TPR: variants seen among roughly 807,000 people sequenced by gnomAD.
TPR encodes translocated promoter region, nuclear basket protein, also known as nucleoprotein TPR.
Under a neutral mutation model 316.1 loss-of-function variants are expected in TPR, and 51 were observed. That is an observed-to-expected ratio of 0.16 (90% CI 0.13 to 0.20). The LOEUF is 0.20. TPR is among the 10% of genes least tolerant of loss of function. TPR has a pLI of 1.00. For missense variants in TPR, 2,272 were observed against 2,754.8 expected, an observed-to-expected ratio of 0.82 and a Z score of 3.92; for synonymous variants, 981 against 914.7, an observed-to-expected ratio of 1.07 and a Z score of -1.31.
chr1:186,359,982 A>G lies in TPR; in HGVS notation c.1206T>C (p.Tyr402=), dbSNP rs375242814. 13 of 1,608,106 alleles carry G rather than the reference A, an allele frequency of 8.1e-6. No homozygotes were observed. Among genetic ancestry groups the G allele is most frequent in the Non-Finnish European group, 1.1e-5 (13 of 1,178,600 alleles). ...GMKLTELYNA[Y]VETQDQLLLE... is the part of the protein sequence containing the mutation. Reference sequence around the variant, plus strand: ...AAAGCAACTGATCCTGAGTTTCCACATAAGCATTATAGAGCTGAAAGTAGA... The same window carrying G: ...AAAGCAACTGATCCTGAGTTTCCACGTAAGCATTATAGAGCTGAAAGTAGA... The change falls in exon 12 of 51, where the codon TAT becomes TAC. Residue 402 remains tyrosine (Y), a synonymous_variant. Coordinates refer to ENST00000367478, the MANE Select transcript of TPR (RefSeq NM_003292.3).
Position 186,322,559 on chromosome 1 carries a change from C to A in TPR, c.6325G>T (p.Val2109Leu), listed in dbSNP as rs1280009616. 3 of 1,614,092 alleles carry A rather than the reference C, an allele frequency of 1.9e-6. No individual in the cohort carries two copies. The highest frequency in any genetic ancestry group is 2.5e-6 in the Non-Finnish European group (3 of 1,179,974). The change falls in exon 44 of 51, where the codon GTA becomes TTA. Residue 2109 changes from valine (V) to leucine (L), a missense_variant. By Grantham distance (32) the Val-to-Leu change is conservative. This residue lies in a region of TPR where 88 missense variants were observed against 176.2 expected (regional missense o/e 0.50). Transcript: ENST00000367478. ...GGAGTCAACTGAAGGCCACGTCCTA[C>A]AGACTGCCTTCGGGTCATCTGAATT... ...QRIQMTRRQS[V>L]GRGLQLTPGI...
chr1:186,356,568 A>C, intron 14 of TPR, 119 bp from the exon 15 acceptor site: 16 of 1,007,338 alleles, frequency 1.6e-5, no homozygotes, highest in South Asian at 2.1e-5. Context: ...TGTCTCTCTC[A>C]TTATTTTTTT....
chr1:186,328,242 T>G (rs1658057716), intron 39 of TPR, among the ~76,000 whole-genome samples: 1 of 152,198 alleles, frequency 6.6e-6, no homozygotes, highest in Non-Finnish European at 1.5e-5. Flanking sequence ...ATTTGTGCAT[T>G]CAAAACTACT....
chr1:186,318,601 T>G lies in TPR; in HGVS notation c.6667A>C (p.Thr2223Pro). Residue 2223 changes from threonine to proline, a missense_variant and splice_region_variant, in exon 48 of 51, where the codon ACT becomes CCT. Transcript: ENST00000367478. ...TTPLQVAAPV[T>P]VFTESTTSDA... ...GAGGTGGTGCTCTCAGTAAATACAG[T>G]CACTTTAAAAAGACAACACAAGAAA... 1.2e-6 allele frequency: 2 copies of G among 1,607,134 alleles called. No individual in the cohort carries two copies. The highest frequency in any genetic ancestry group is 1.7e-6 in the Non-Finnish European group (2 of 1,178,198).
rs374371767 is a variant in TPR, at chr1:186,361,880, T to C, written c.790-11A>G. The C allele has an allele frequency of 5.6e-5, 90 of 1,611,174 alleles. No homozygotes were observed. Among genetic ancestry groups the C allele is most frequent in the South Asian group, 1.3e-4 (12 of 90,898 alleles). On this transcript the variant is annotated splice_polypyrimidine_tract_variant and intron_variant, in intron 7 of 50. Coordinates refer to ENST00000367478, the MANE Select transcript of TPR (RefSeq NM_003292.3). ...CTGTTGTTCCTTGGCCTGAAAAAAA[T>C]AGCCCAATTATAGCAGTCTACTTTG...
chr1:186,330,163 T>G (rs1159235783), intron 39 of TPR, among the ~76,000 whole-genome samples: 1 of 152,074 alleles, frequency 6.6e-6, no homozygotes, highest in Non-Finnish European at 1.5e-5. Context: ...AGACAAACCC[T>G]AAGGTTAAGG....
In TPR at chr1:186,318,729, C is replaced by T. The variant is rs766216485; in HGVS notation, c.6664+4G>A. ...AGAACCTACTATCTGCCTTTGATCCCTACCTGGGGCTGCTACTTGTAGTGG... is the reference window on the plus strand; with the variant it reads ...AGAACCTACTATCTGCCTTTGATCCTTACCTGGGGCTGCTACTTGTAGTGG... On this transcript the variant is annotated splice_donor_region_variant and intron_variant, in intron 47 of 50. Coordinates refer to ENST00000367478, the MANE Select transcript of TPR (RefSeq NM_003292.3). 1 of 1,614,100 alleles carries T rather than the reference C, an allele frequency of 6.2e-7. No individual in the cohort carries two copies. The highest frequency in any genetic ancestry group is 2.2e-5 in the East Asian group (1 of 44,878).
chr1:186,345,666 C>T lies in TPR; in HGVS notation c.3127G>A (p.Val1043Ile). ...AGAGCTTCTTGTACTTCATTCTGAA[C>T]ACTAGAAAGTGTTTTCTTCAATTCA... ...LSELKKTLSS[V>I]QNEVQEALQR... The change falls in exon 24 of 51, where the codon GTT (valine) becomes ATT (isoleucine). Residue 1043 changes from valine (V) to isoleucine (I), a missense_variant. Physicochemically the swap from Val to Ile is conservative, Grantham distance 29 (BLOSUM62 3). Transcript: ENST00000367478. 1.2e-6 allele frequency: 2 copies of T among 1,612,954 alleles called. No individual in the cohort carries two copies. The highest frequency in any genetic ancestry group is 1.7e-4 in the Middle Eastern group (1 of 6,058).
chr1:186,333,078 A>C (rs1274366635), intron 37 of TPR, 44 bp downstream of exon 37: 5 of 1,591,990 alleles, frequency 3.1e-6, no homozygotes, highest in Non-Finnish European at 3.4e-6. Flanking sequence ...AAGATCTTAT[A>C]AATGCATAGG....
intron 37 of TPR, among the ~76,000 whole-genome samples, 159 bp from the exon 38 acceptor site, chr1:186,332,502 A>C (rs536027955): frequency 6.6e-6 from 1 of 152,290 alleles, no homozygotes; most frequent in African/African-American, 2.4e-5. Context: ...ATCAATGTCC[A>C]TCAACATAAT....
In TPR at chr1:186,334,532, C is replaced by G. The variant is rs1204178160; in HGVS notation, c.4975G>C (p.Ala1659Pro). 1 of 1,609,828 alleles carries G rather than the reference C, an allele frequency of 6.2e-7. No homozygotes were observed. The highest frequency in any genetic ancestry group is 8.5e-7 in the Non-Finnish European group (1 of 1,177,696). The change falls in exon 36 of 51, where the codon GCC becomes CCC. Residue 1659 changes from alanine (A) to proline (P), a missense_variant and splice_region_variant. Coordinates refer to ENST00000367478, the MANE Select transcript of TPR (RefSeq NM_003292.3). ...GCTGTTGGTGGGTCTGATGTGCTGG[C>G]ACTTATAGAGGAGAAAATGGAAGAA... The part of the protein sequence containing the change: ...TTPASGERGI[A>P]STSDPPTANI...
intron 13 of TPR, among the ~76,000 whole-genome samples, chr1:186,358,258 C>T (rs562870780): frequency 1.2e-4 from 18 of 152,066 alleles, no homozygotes; most frequent in Non-Finnish European, 2.2e-4. Flanking sequence ...CACTTTGGGA[C>T]TTCAGAGGGT....
At chr1:186,362,515 T>G in intron 6 of TPR, 135 bp from the exon 7 acceptor site, 2 of 692,664 alleles carry the variant, frequency 2.9e-6, no homozygotes, top group South Asian at 3.8e-5. Flanking sequence ...ATATGCATAT[T>G]TAAGAAAACT....
At position 186,351,971 on chromosome 1, in the gene TPR, G is replaced by T; in HGVS notation, c.2469+5C>A. 1 of 1,582,726 alleles carries T rather than the reference G, an allele frequency of 6.3e-7. No individual in the cohort carries two copies. Among genetic ancestry groups the T allele is most frequent in the Non-Finnish European group, 8.5e-7 (1 of 1,170,704 alleles). ...TTTTTCTACATAGGCTTTTTATTTGGTTACCTGAATTGTTTGCAGATTAGT... is the reference window on the plus strand; with the variant it reads ...TTTTTCTACATAGGCTTTTTATTTGTTTACCTGAATTGTTTGCAGATTAGT... On this transcript the variant is annotated splice_donor_5th_base_variant and intron_variant, in intron 19 of 50. Coordinates refer to ENST00000367478, the MANE Select transcript of TPR (RefSeq NM_003292.3).
intron 39 of TPR, among the ~76,000 whole-genome samples, chr1:186,329,273 A>G (rs1003528325): frequency 6.6e-6 from 1 of 152,200 alleles, no homozygotes; most frequent in African/African-American, 2.4e-5. Context: ...TCAAATTGTT[A>G]TGTTCTTCAG....
In TPR at chr1:186,327,610, A is replaced by G; in HGVS notation, c.5739T>C (p.Ser1913=). 1 of 1,613,172 alleles carries G rather than the reference A, an allele frequency of 6.2e-7. No homozygotes were observed. The highest frequency in any genetic ancestry group is 8.5e-7 in the Non-Finnish European group (1 of 1,179,772). Residue 1913 remains serine, a synonymous_variant, in exon 40 of 51, where the codon TCT becomes TCC. Transcript: ENST00000367478. Reference sequence around the variant, plus strand: ...GCCCAAGATCTATTTGTAGAGACTGAGAGGTTTCTTCACTGTCTTCCATAG... The same window carrying G: ...GCCCAAGATCTATTTGTAGAGACTGGGAGGTTTCTTCACTGTCTTCCATAG... ...YTPMEDSEET[S]QSLQIDLGPL...
intron 22 of TPR, among the ~76,000 whole-genome samples, chr1:186,346,814 G>A (rs974134621): frequency 1.3e-5 from 2 of 152,104 alleles, no homozygotes; most frequent in East Asian, 1.9e-4. Context: ...AATTTAACAT[G>A]ATATTCAAAA....
At position 186,335,134 on chromosome 1, in the gene TPR, A is replaced by G. The variant is rs772199563; in HGVS notation, c.4912-5T>C. 4.4e-6 allele frequency: 7 copies of G among 1,607,868 alleles called. No individual in the cohort carries two copies. The Admixed American group carries it at 1.2e-4, about 28-fold the overall frequency. ...CTGTCTCTGCTGTTCAGGGACCTAT[A>G]AAGAGAAAGCTCTTGATTGTTGTTC... On this transcript the variant is annotated splice_region_variant and splice_polypyrimidine_tract_variant and intron_variant, in intron 34 of 50. Transcript: ENST00000367478.
intron 4 of TPR, among the ~76,000 whole-genome samples, chr1:186,365,316 G>A (rs1659312415): frequency 6.6e-6 from 1 of 151,750 alleles, no homozygotes; most frequent in African/African-American, 2.4e-5. Flanking sequence ...GGCTAGTCTC[G>A]AACTCCTGAC....
Sources: gnomAD v4.1 joint callset for allele counts (sites outside exome capture counted in the v4.1 genomes callset) on GRCh38, gnomAD v4.1.1 for gene constraint, gnomAD v4.1.1 regional missense constraint, MANE v1.5 for transcripts, NCBI Gene and HGNC (gene_info 2026-07-23, HGNC 2026-07-21) for gene names.